CDH13: variants seen among roughly 807,000 people sequenced by gnomAD.
CDH13 encodes the protein cadherin-13.
Under a neutral mutation model 63.8 loss-of-function variants are expected in CDH13, and 24 were observed. The observed-to-expected ratio is 0.38, with a 90% CI of 0.27 to 0.53. The LOEUF is 0.53. CDH13 is among the 20% of genes least tolerant of loss of function. The pLI is 0.85. For synonymous variants in CDH13, 503 were observed against 355.3 expected, an observed-to-expected ratio of 1.42 and a Z score of -4.67; for missense variants, 1,049 against 903.1, an observed-to-expected ratio of 1.16 and a Z score of -2.07.
chr16:83,666,838 C>A (rs1914003992), intron 8 of CDH13, among the ~76,000 whole-genome samples: 1 of 128,848 alleles, frequency 7.8e-6, no homozygotes, highest in Non-Finnish European at 1.7e-5. Flanking sequence ...CACACACATA[C>A]ACACACACAC....
At chr16:83,453,128 C>G (rs769174672) in intron 6 of CDH13, among the ~76,000 whole-genome samples, 1 of 152,134 alleles carries the variant, frequency 6.6e-6, no homozygotes, top group Admixed American at 6.5e-5. Context: ...GAATGGAAAA[C>G]CAAACATTGT....
intron 10 of CDH13, among the ~76,000 whole-genome samples, chr16:83,699,018 A>G (rs1349454534): frequency 6.6e-6 from 1 of 152,122 alleles, no homozygotes; most frequent in African/African-American, 2.4e-5. Flanking sequence ...TGTGTGTTCT[A>G]CTCTGTGCTG....
intron 6 of CDH13, among the ~76,000 whole-genome samples, chr16:83,440,621 C>T (rs1567674031): frequency 6.6e-6 from 1 of 152,000 alleles, no homozygotes; most frequent in East Asian, 1.9e-4. Flanking sequence ...CGTATCTCTA[C>T]TAAAAATACA....
intron 6 of CDH13, among the ~76,000 whole-genome samples, chr16:83,485,922 C>T (rs1854693749): frequency 6.6e-6 from 1 of 152,108 alleles, no homozygotes; most frequent in African/African-American, 2.4e-5. Flanking sequence ...GCAGGTGGAT[C>T]AGCTGAGGTC....
chr16:83,517,883 T>G (rs962155371), intron 7 of CDH13, among the ~76,000 whole-genome samples: 1 of 152,184 alleles, frequency 6.6e-6, no homozygotes, highest in Non-Finnish European at 1.5e-5. Context: ...TTGTCCCATT[T>G]AATTTTCACA....
intron 2 of CDH13, among the ~76,000 whole-genome samples, chr16:82,912,517 A>G (rs1259024865): frequency 6.6e-6 from 1 of 152,242 alleles, no homozygotes; most frequent in Non-Finnish European, 1.5e-5. Flanking sequence ...TTCTTAAAGT[A>G]AATGAGTGAT....
intron 1 of CDH13, among the ~76,000 whole-genome samples, chr16:82,767,787 G>A (rs929325106): frequency 2.6e-5 from 4 of 152,166 alleles, no homozygotes; most frequent in Admixed American, 2.6e-4. Context: ...AACTGTTGAT[G>A]TTGTCATCAG....
intron 1 of CDH13, among the ~76,000 whole-genome samples, chr16:82,811,286 C>G (rs1311270383): frequency 6.6e-6 from 1 of 152,062 alleles, no homozygotes; most frequent in Non-Finnish European, 1.5e-5. Flanking sequence ...CATTACAGAT[C>G]AGGACTTTTC....
chr16:82,948,703 T>G (rs1904992875), intron 2 of CDH13, among the ~76,000 whole-genome samples: 1 of 152,174 alleles, frequency 6.6e-6, no homozygotes, highest in African/African-American at 2.4e-5. Context: ...AATGCCTTGT[T>G]TTTAAATTTT....
chr16:83,077,186 C>CT (rs34536219), intron 3 of CDH13, among the ~76,000 whole-genome samples: 15,352 of 58,670 alleles, frequency 0.26, 3,973 homozygotes, highest in South Asian at 0.35. Flanking sequence ...TTTTTCTTTT[C>CT]TTTTTTTTTT....
chr16:82,814,458 T>C (rs1441981626), intron 1 of CDH13, among the ~76,000 whole-genome samples: 1 of 152,110 alleles, frequency 6.6e-6, no homozygotes, highest in Non-Finnish European at 1.5e-5. Flanking sequence ...GTCAGTGAGA[T>C]ACTCAATCGT....
intron 8 of CDH13, 133 bp downstream of exon 8, chr16:83,602,727 G>C: frequency 7.6e-6 from 7 of 920,478 alleles, no homozygotes; most frequent in Non-Finnish European, 1.2e-5. Flanking sequence ...GAGAGACGAT[G>C]GTGTTTTGCT....
In CDH13 at chr16:83,251,711, C is replaced by T. The variant is rs73593950; in HGVS notation, c.636+34214C>T. 4.8e-3 allele frequency among the ~76,000 whole-genome samples: 728 copies of T among 152,340 alleles called. 5 individuals are homozygous for T. Among genetic ancestry groups the T allele is most frequent in the African/African-American group, 0.016 (673 of 41,574 alleles). On this transcript the variant is annotated intron_variant, in intron 5 of 13. Transcript: ENST00000567109. ...CAAGCCTCTGACATCTGAATAGCTACGCTGAGAAAGGTAGACCTTGTCTTT... is the reference window on the plus strand; with the variant it reads ...CAAGCCTCTGACATCTGAATAGCTATGCTGAGAAAGGTAGACCTTGTCTTT...
chr16:82,981,353 T>C (rs1051012620), intron 2 of CDH13, among the ~76,000 whole-genome samples: 1 of 152,116 alleles, frequency 6.6e-6, no homozygotes, highest in Admixed American at 6.5e-5. Context: ...TTCAAATTCT[T>C]CCGTCTCACC....
rs1020922042 is a variant in CDH13, at chr16:83,032,132, C to A, written c.280C>A (p.Leu94Met). 1.2e-6 allele frequency: 2 copies of A among 1,613,638 alleles called. No individual in the cohort carries two copies. The highest frequency in any genetic ancestry group is 1.7e-6 in the Non-Finnish European group (2 of 1,179,786). ...LRNITAVGKT[L>M]FVHARTPHAE... The stretch of plus-strand genomic sequence containing the variant: ...AAACATAACTGCAGTGGGCAAAACT[C>A]TGTTCGTCCATGCACGGACCCCCCA... The change falls in exon 3 of 14, where the codon CTG (leucine) becomes ATG (methionine). Residue 94 changes from leucine to methionine, a missense_variant. Coordinates refer to ENST00000567109, the MANE Select transcript of CDH13 (RefSeq NM_001257.5).
chr16:83,121,037 C>T (rs1056956493), intron 3 of CDH13, among the ~76,000 whole-genome samples: 2 of 152,178 alleles, frequency 1.3e-5, no homozygotes, highest in Non-Finnish European at 2.9e-5. Flanking sequence ...GCTGGGATTA[C>T]AGGCGTGATC....
intron 3 of CDH13, among the ~76,000 whole-genome samples, chr16:83,095,346 A>G (rs1463240554): frequency 6.6e-6 from 1 of 152,234 alleles, no homozygotes; most frequent in East Asian, 1.9e-4. Context: ...GGACAAAAAA[A>G]GATAAATAAA....
chr16:83,750,760 T>C (rs890285996), intron 11 of CDH13, among the ~76,000 whole-genome samples: 2 of 152,142 alleles, frequency 1.3e-5, no homozygotes, highest in African/African-American at 2.4e-5. Context: ...AGAGCCTTCC[T>C]CACATCCCTC....
At chr16:83,627,188 G>A (rs1172713876) in intron 8 of CDH13, among the ~76,000 whole-genome samples, 1 of 152,150 alleles carries the variant, frequency 6.6e-6, no homozygotes, top group Non-Finnish European at 1.5e-5. Context: ...TACTGGAGGG[G>A]CTGAGGCAGG....
Sources: allele counts gnomAD v4.1 joint callset (sites outside exome capture counted in the v4.1 genomes callset), GRCh38; gene constraint gnomAD v4.1.1; transcripts MANE v1.5; gene names NCBI Gene and HGNC (gene_info 2026-07-23, HGNC 2026-07-21).